The following KALRN variants were observed in gnomAD, a reference collection of about 807,000 sequenced individuals.
KALRN encodes the protein kalirin.
A neutral mutation model predicts 353.7 loss-of-function variants in KALRN; 70 were observed. The ratio of observed to expected loss-of-function variants is 0.20; its 90% CI spans 0.16 to 0.24. KALRN has a LOEUF of 0.24. Ranked by LOEUF, KALRN falls within the 10% of genes least tolerant of loss-of-function variation. The pLI is 1.00. For missense variants in KALRN, 2,791 were observed against 3,756.7 expected (o/e 0.74, Z 6.72); for synonymous variants, 1,391 against 1,434.8 (o/e 0.97, Z 0.69).
At chr3:124,360,159 C>T (rs578182388) in intron 10 of KALRN, among the ~76,000 whole-genome samples, 13 of 152,318 alleles carry the variant, frequency 8.5e-5, no homozygotes, top group Admixed American at 7.8e-4. Context: ...AACAGGTTTC[C>T]GGGCTGTAGC....
intron 1 of KALRN, among the ~76,000 whole-genome samples, chr3:124,173,849 C>T (rs1035637115): frequency 6.6e-6 from 1 of 151,868 alleles, no homozygotes; most frequent in Non-Finnish European, 1.5e-5. Context: ...CTCCTGACCT[C>T]GTGATCCGCC....
At chr3:124,449,541 A>G (rs911391912) in intron 21 of KALRN, among the ~76,000 whole-genome samples, 31 of 152,244 alleles carry the variant, frequency 2.0e-4, no homozygotes, top group African/African-American at 7.2e-4. Context: ...CATTTCTTCT[A>G]AAAGTAAAAC....
intron 37 of KALRN, among the ~76,000 whole-genome samples, 159 bp downstream of exon 37, chr3:124,637,462 T>C (rs2149900344): frequency 6.6e-6 from 1 of 152,342 alleles, no homozygotes; most frequent in Non-Finnish European, 1.5e-5. Context: ...AGAGTCCTTT[T>C]TGACTTTGTT....
At chr3:124,430,917 T>C in intron 16 of KALRN, 142 bp downstream of exon 16, 1 of 1,044,438 alleles carries the variant, frequency 9.6e-7, no homozygotes, top group East Asian at 2.8e-5. Flanking sequence ...AGCCTTCCTC[T>C]TACCCAAGAG....
intron 34 of KALRN, among the ~76,000 whole-genome samples, chr3:124,599,841 C>A (rs1441424021): frequency 1.3e-5 from 2 of 152,196 alleles, no homozygotes; most frequent in Non-Finnish European, 2.9e-5. Context: ...CTACCCCTTT[C>A]CCAATTTAAC....
chr3:124,359,509 C>A (rs920905239), intron 10 of KALRN, among the ~76,000 whole-genome samples: 5 of 152,174 alleles, frequency 3.3e-5, no homozygotes, highest in Non-Finnish European at 5.9e-5. Context: ...GTTCTGATTT[C>A]CCCTCTGCTG....
At chr3:124,361,942 C>T (rs2084092509) in intron 10 of KALRN, among the ~76,000 whole-genome samples, 1 of 152,140 alleles carries the variant, frequency 6.6e-6, no homozygotes, top group African/African-American at 2.4e-5. Context: ...TCCTCTTCCT[C>T]CTTCATCCCT....
chr3:124,633,830 T>G, intron 35 of KALRN, 22 bp from the exon 36 acceptor site: 1 of 1,605,596 alleles, frequency 6.2e-7, no homozygotes, highest in Non-Finnish European at 8.5e-7. Flanking sequence ...CAGTAACTAA[T>G]GCTGCTCTTT....
At chr3:124,613,862 C>G (rs1004855905) in intron 34 of KALRN, among the ~76,000 whole-genome samples, 1 of 152,198 alleles carries the variant, frequency 6.6e-6, no homozygotes, top group African/African-American at 2.4e-5. Context: ...TCCAGCTGGT[C>G]AGCTCCCATA....
At chr3:124,426,407 A>G (rs1262105719) in intron 15 of KALRN, among the ~76,000 whole-genome samples, 1 of 152,312 alleles carries the variant, frequency 6.6e-6, no homozygotes, top group South Asian at 2.1e-4. Context: ...GAGGGAGAGG[A>G]CAGTAATAGA....
At chr3:124,100,179 G>T (rs2061748209) in intron 1 of KALRN, 1 of 152,142 alleles carries the variant, frequency 6.6e-6, no homozygotes, top group Non-Finnish European at 1.5e-5. Context: ...AAAAGAAAAA[G>T]TCTATTCAGA....
intron 33 of KALRN, among the ~76,000 whole-genome samples, chr3:124,549,771 G>C (rs1181053460): frequency 6.6e-6 from 1 of 152,046 alleles, no homozygotes. Flanking sequence ...AGTTGTACTT[G>C]ACCTCCAAAA....
rs769640788 is a variant in KALRN at position 124,269,031 on chromosome 3, C to T, written c.745C>T (p.Arg249Trp). 8 of 1,613,348 alleles carry T rather than the reference C, an allele frequency of 5.0e-6. No individual in the cohort carries two copies. The highest frequency in any genetic ancestry group is 5.9e-6 in the Non-Finnish European group (7 of 1,179,842). The change falls in exon 5 of 60, where the codon CGG becomes TGG. Residue 249 changes from arginine to tryptophan, a missense_variant. Arg to Trp is a moderately radical substitution (Grantham distance 101). Transcript: ENST00000682506. ...GAAGGCCCCTGTGGAGGAGCTGGACCGGGAGGGGCAGCGGCTGCTGCAGTG... is the reference window on the plus strand; with the variant it reads ...GAAGGCCCCTGTGGAGGAGCTGGACTGGGAGGGGCAGCGGCTGCTGCAGTG... The part of the protein sequence containing the change: ...VLKAPVEELD[R>W]EGQRLLQCIR...
intron 37 of KALRN, among the ~76,000 whole-genome samples, chr3:124,642,953 A>T (rs933019276): frequency 9.2e-5 from 14 of 151,620 alleles, no homozygotes; most frequent in African/African-American, 3.2e-4. Context: ...AGTAGCTGGG[A>T]TTAACAGGCA....
chr3:124,368,497 A>G (rs1477555728), intron 10 of KALRN, among the ~76,000 whole-genome samples: 1 of 147,292 alleles, frequency 6.8e-6, no homozygotes, highest in Non-Finnish European at 1.5e-5. Flanking sequence ...CACTTCCTAG[A>G]TGTGATGGTG....
chr3:124,532,268 G>T (rs1017830599), intron 33 of KALRN, among the ~76,000 whole-genome samples: 1 of 152,176 alleles, frequency 6.6e-6, no homozygotes, highest in African/African-American at 2.4e-5. Context: ...CTATAAGATT[G>T]CATGACATTG....
At chr3:124,270,869 G>A (rs1257087738) in intron 5 of KALRN, among the ~76,000 whole-genome samples, 4 of 131,822 alleles carry the variant, frequency 3.0e-5, no homozygotes, top group Admixed American at 1.8e-4. Flanking sequence ...TCGCTCTGTC[G>A]CCCATGCTGA....
chr3:124,696,311 T>C, intron 54 of KALRN, 56 bp downstream of exon 54: 1 of 1,549,206 alleles, frequency 6.5e-7, no homozygotes, highest in South Asian at 1.2e-5. Context: ...TTTAGACAGG[T>C]TCTTGCTCTG....
intron 1 of KALRN, among the ~76,000 whole-genome samples, chr3:124,220,209 C>T (rs2077737460): frequency 6.6e-6 from 1 of 152,090 alleles, no homozygotes; most frequent in Non-Finnish European, 1.5e-5. Context: ...TCCCAAAGTG[C>T]TGGTATTACA....
Sources: allele counts gnomAD v4.1 joint callset (sites outside exome capture counted in the v4.1 genomes callset), GRCh38; gene constraint gnomAD v4.1.1; transcripts MANE v1.5; gene names NCBI Gene and HGNC (gene_info 2026-07-23, HGNC 2026-07-21).